Variants in PEPD observed in about 807,000 individuals in gnomAD.
The protein encoded by PEPD is peptidase D.
Under a neutral mutation model 60.7 loss-of-function variants are expected in PEPD, and 53 were observed. That is an observed-to-expected ratio of 0.87 (90% CI 0.70 to 1.10). The LOEUF is 1.10. PEPD is among the 50% of genes least tolerant of loss of function. The pLI is 0.00. For missense variants in PEPD, 711 were observed against 711.9 expected, an observed-to-expected ratio of 1.00 and a Z score of 0.01; for synonymous variants, 267 against 284.1, an observed-to-expected ratio of 0.94 and a Z score of 0.60.
rs574398144 is a variant in PEPD, at chr19:33,401,787, C to A, written c.901G>T (p.Asp301Tyr). The change falls in exon 12 of 15, where the codon GAC (aspartate) becomes TAC (tyrosine). Residue 301 changes from aspartate to tyrosine, a missense_variant. Physicochemically the swap from Asp to Tyr is radical, Grantham distance 160. Transcript: ENST00000244137. Reference protein sequence around the residue: ...SFPANGKFTADQKAVYEAVLR... With the variant: ...SFPANGKFTAYQKAVYEAVLR... Reference sequence around the variant, plus strand: ...ACTGCCTCATAGACGGCCTTCTGGTCTGCAGTGAACTTGCCGTTGGCGGGA... The same window carrying A: ...ACTGCCTCATAGACGGCCTTCTGGTATGCAGTGAACTTGCCGTTGGCGGGA... 1 of 1,612,630 alleles carries A rather than the reference C, an allele frequency of 6.2e-7. No individual in the cohort carries two copies. The highest frequency in any genetic ancestry group is 1.1e-5 in the South Asian group (1 of 90,888).
intron 7 of PEPD, among the ~76,000 whole-genome samples, chr19:33,466,782 T>G (rs1008389316): frequency 1.3e-5 from 2 of 152,006 alleles, no homozygotes; most frequent in African/African-American, 2.4e-5. Flanking sequence ...AATAAAAATT[T>G]TTTTCTAATA....
chr19:33,510,013 C>T (rs537553900), intron 3 of PEPD, among the ~76,000 whole-genome samples: 8 of 152,346 alleles, frequency 5.3e-5, no homozygotes, highest in Admixed American at 3.3e-4. Flanking sequence ...CTCAGAGAGG[C>T]GGTTCCCCGA....
rs1181158673 is a variant in PEPD, at chr19:33,387,267, GC to G, written c.*76del. 89 of 1,561,824 alleles carry G rather than the reference GC, an allele frequency of 5.7e-5. No homozygotes were observed. The highest frequency in any genetic ancestry group is 6.9e-5 in the Non-Finnish European group (79 of 1,139,148). On this transcript the variant is annotated 3_prime_UTR_variant, in exon 15 of 15. Transcript: ENST00000244137. ...GGGTGCCGTCTCTCGCTACTGGAGT[GC>G]TGACCAGCAGGCTGCCCATCACGAA... is the stretch of plus-strand genomic sequence containing the variant.
intron 6 of PEPD, among the ~76,000 whole-genome samples, chr19:33,478,828 G>A: frequency 6.6e-6 from 1 of 152,238 alleles, no homozygotes; most frequent in East Asian, 1.9e-4. Context: ...AAAGGGAATT[G>A]TTTCAAATAA....
At chr19:33,391,573 G>A in intron 12 of PEPD, 94 bp from the exon 13 acceptor site, 1 of 1,161,926 alleles carries the variant, frequency 8.6e-7, no homozygotes. Context: ...CACACTGGCT[G>A]TGGTGGGAGG....
chr19:33,463,244 T>C lies in PEPD; in HGVS notation c.625-203A>G, dbSNP rs928110814. 2.6e-5 allele frequency among the ~76,000 whole-genome samples: 4 copies of C among 152,354 alleles called. No individual in the cohort carries two copies. The East Asian group carries it at 5.8e-4, about 22-fold the overall frequency. The stretch of plus-strand genomic sequence containing the variant: ...TCCATACAGTTTATTTAAACTGCTA[T>C]GAAGCACTTCCATTTGGAAGCCGAT... On this transcript the variant is annotated intron_variant, in intron 8 of 14. Transcript: ENST00000244137.
chr19:33,465,980 A>G (rs1970011934), intron 7 of PEPD, among the ~76,000 whole-genome samples: 1 of 152,330 alleles, frequency 6.6e-6, no homozygotes, highest in African/African-American at 2.4e-5. Flanking sequence ...GCACAAGCCA[A>G]TAAAGAGAAG....
intron 9 of PEPD, among the ~76,000 whole-genome samples, chr19:33,437,712 C>T (rs1969405621): frequency 6.6e-6 from 1 of 152,172 alleles, no homozygotes; most frequent in Non-Finnish European, 1.5e-5. Flanking sequence ...ATAAATCCAA[C>T]CAAACTGCCC....
At chr19:33,485,305 C>G (rs1401973480) in intron 6 of PEPD, among the ~76,000 whole-genome samples, 1 of 152,040 alleles carries the variant, frequency 6.6e-6, no homozygotes, top group Non-Finnish European at 1.5e-5. Context: ...ACCAGCCTGG[C>G]CAACATGGTG....
At chr19:33,397,131 GC>G (rs1304012844) in intron 12 of PEPD, among the ~76,000 whole-genome samples, 3 of 152,146 alleles carry the variant, frequency 2.0e-5, no homozygotes, top group Non-Finnish European at 1.5e-5. Flanking sequence ...TGGACTCCCA[GC>G]CGCCAGGGTA....
In PEPD at chr19:33,467,486, A is replaced by G. The variant is rs139812070; in HGVS notation, c.549-3424T>C. On this transcript the variant is annotated intron_variant, in intron 7 of 14. Transcript: ENST00000244137. ...CGGGAGGTAAAGACGGGTTGGAGAA[A>G]AGATGTGTAGAGAGAGCAGGGCCCC... Among the ~76,000 whole-genome samples, 900 of 152,318 alleles carry G rather than the reference A, an allele frequency of 5.9e-3. 9 individuals carry two copies. The highest frequency in any genetic ancestry group is 0.02 in the African/African-American group (829 of 41,560).
rs200877243 is a variant in PEPD at position 33,511,163 on chromosome 19, G to A, written c.202-8C>T. ...CCAGTGAAAGAAGGACTCCTGTGGC[G>A]GGAACAAGAACTATTGTTAGCCAGT... On this transcript the variant is annotated splice_region_variant and splice_polypyrimidine_tract_variant and intron_variant, in intron 2 of 14. Transcript: ENST00000244137. The A allele has an allele frequency of 2.0e-5, 32 of 1,613,726 alleles. No individual in the cohort carries two copies. Among genetic ancestry groups the A allele is most frequent in the Non-Finnish European group, 2.4e-5 (28 of 1,179,882 alleles).
chr19:33,504,417 C>T (rs1970762847), intron 3 of PEPD, among the ~76,000 whole-genome samples: 1 of 152,188 alleles, frequency 6.6e-6, no homozygotes, highest in African/African-American at 2.4e-5. Flanking sequence ...GTCTGGGGTC[C>T]AGCAACGGTA....
Position 33,513,064 on chromosome 19 carries a change from C to T in PEPD, c.18-288G>A, listed in dbSNP as rs576176457. Among the ~76,000 whole-genome samples the T allele has an allele frequency of 1.1e-4, 16 of 151,958 alleles. No homozygotes were observed. In the South Asian group the frequency reaches 3.1e-3, roughly 30 times the overall value. ...CACAGCAGGCCACAGTGACCCCACG[C>T]TCCCGAATCTGCAGCAGGTCCCCAG... On this transcript the variant is annotated intron_variant, in intron 1 of 14. Transcript: ENST00000244137.
At chr19:33,474,108 G>A (rs1159919111) in intron 7 of PEPD, among the ~76,000 whole-genome samples, 1 of 152,086 alleles carries the variant, frequency 6.6e-6, no homozygotes, top group Non-Finnish European at 1.5e-5. Flanking sequence ...CTGCCCCCTG[G>A]TTCTCCACCC....
intron 6 of PEPD, among the ~76,000 whole-genome samples, chr19:33,482,157 T>C (rs947183487): frequency 6.6e-6 from 1 of 152,152 alleles, no homozygotes; most frequent in African/African-American, 2.4e-5. Flanking sequence ...CACACCCAAA[T>C]TCCTTGCGAA....
chr19:33,419,565 G>A (rs1364246818), intron 9 of PEPD, among the ~76,000 whole-genome samples: 1 of 152,220 alleles, frequency 6.6e-6, no homozygotes, highest in Non-Finnish European at 1.5e-5. Context: ...CGACTGCAAA[G>A]CTTATGGTTT....
At chr19:33,416,994 A>C (rs1218713964) in intron 9 of PEPD, among the ~76,000 whole-genome samples, 1 of 152,198 alleles carries the variant, frequency 6.6e-6, no homozygotes, top group Non-Finnish European at 1.5e-5. Context: ...ACTGGGACCC[A>C]CAAATCCAGC....
At chr19:33,452,206 A>G (rs922938257) in intron 9 of PEPD, among the ~76,000 whole-genome samples, 13 of 152,244 alleles carry the variant, frequency 8.5e-5, no homozygotes, top group Non-Finnish European at 1.6e-4. Context: ...GGTCACCAAG[A>G]AAAATTCAAC....
Sources: allele counts gnomAD v4.1 joint callset (sites outside exome capture counted in the v4.1 genomes callset), GRCh38; gene constraint gnomAD v4.1.1; transcripts MANE v1.5; gene names NCBI Gene and HGNC (gene_info 2026-07-23, HGNC 2026-07-21).